DNAH6: variants seen among roughly 807,000 people sequenced by gnomAD.
DNAH6 encodes dynein axonemal heavy chain 6.
In DNAH6, 340 loss-of-function variants were observed where a neutral mutation model predicts 491.4. The ratio of observed to expected loss-of-function variants is 0.69; its 90% CI spans 0.63 to 0.76. The LOEUF (loss-of-function observed/expected upper bound fraction) is 0.76, where lower values mean the gene tolerates loss of function less well. Among genes scored for constraint, DNAH6 ranks in the 30% least tolerant of loss-of-function variants. The pLI is 0.00. For missense variants in DNAH6, 4,443 were observed against 4,972.2 expected, an observed-to-expected ratio of 0.89 and a Z score of 3.20; for synonymous variants, 1,603 against 1,686.1, an observed-to-expected ratio of 0.95 and a Z score of 1.21.
intron 60 of DNAH6, 132 bp from the exon 61 acceptor site, chr2:84,727,537 C>T: frequency 1.6e-6 from 1 of 627,688 alleles, no homozygotes; most frequent in Non-Finnish European, 2.9e-6. Context: ...CTATTGGGCA[C>T]ATTGAGGACT....
the DNAH6 span, among the ~76,000 whole-genome samples, chr2:84,500,562 G>A: frequency 2.6e-5 from 4 of 152,100 alleles, no homozygotes; most frequent in Non-Finnish European, 5.9e-5. Flanking sequence ...TTCTATTTCT[G>A]TGAAGAATGT....
rs1678809364 is a variant in DNAH6 at position 84,546,513 on chromosome 2, G to C, written c.931-755G>C. Among the ~76,000 whole-genome samples the C allele has an allele frequency of 2.0e-5, 3 of 152,190 alleles. No individual in the cohort carries two copies. In the South Asian group the frequency reaches 6.2e-4, roughly 32 times the overall value. On this transcript the variant is annotated intron_variant, in intron 5 of 76. Transcript: ENST00000389394. ...TGGAACCCGAGGATACAGAAGGACT[G>C]TATGTGGTCCTTTATGACTGACTTT...
chr2:84,509,321 A>C, the DNAH6 span, among the ~76,000 whole-genome samples: 1 of 152,134 alleles, frequency 6.6e-6, no homozygotes, highest in East Asian at 1.9e-4. Context: ...TGATCCCTTT[A>C]CCATTATGTA....
chr2:84,763,810 C>T (rs1371648881), intron 64 of DNAH6, among the ~76,000 whole-genome samples: 2 of 149,762 alleles, frequency 1.3e-5, no homozygotes, highest in African/African-American at 4.9e-5. Flanking sequence ...AAACTCAGCA[C>T]AGCTGATGTG....
At chr2:84,696,244 G>C (rs1178869746) in intron 46 of DNAH6, among the ~76,000 whole-genome samples, 1 of 151,528 alleles carries the variant, frequency 6.6e-6, no homozygotes, top group Non-Finnish European at 1.5e-5. Flanking sequence ...TCATATACTA[G>C]ATTTAAAGAA....
chr2:84,664,721 T>C (rs1691902734), intron 37 of DNAH6, among the ~76,000 whole-genome samples: 1 of 152,142 alleles, frequency 6.6e-6, no homozygotes, highest in Non-Finnish European at 1.5e-5. Context: ...TATCCAGGAA[T>C]TGAACTCAGC....
At chr2:84,673,012 G>A (rs1692884212) in intron 40 of DNAH6, among the ~76,000 whole-genome samples, 1 of 152,130 alleles carries the variant, frequency 6.6e-6, no homozygotes, top group African/African-American at 2.4e-5. Flanking sequence ...CTGCCTCCCA[G>A]AGAGCTTCAG....
At chr2:84,624,728 C>T in intron 28 of DNAH6, 108 bp downstream of exon 28, 1 of 1,324,722 alleles carries the variant, frequency 7.5e-7, no homozygotes. Context: ...ATTATGAATA[C>T]ATCTTTGTAA....
chr2:84,709,705 G>C (rs887799455), intron 55 of DNAH6, among the ~76,000 whole-genome samples, 159 bp downstream of exon 55: 1 of 152,122 alleles, frequency 6.6e-6, no homozygotes, highest in African/African-American at 2.4e-5. Flanking sequence ...TATAGTCCAA[G>C]TCCCTCATTT....
In DNAH6 at chr2:84,653,531, G is replaced by A. The variant is rs751216543; in HGVS notation, c.5291G>A (p.Arg1764Gln). The A allele has an allele frequency of 1.2e-5, 19 of 1,551,196 alleles. No homozygotes were observed. Among genetic ancestry groups the A allele is most frequent in the African/African-American group, 4.1e-5 (3 of 73,000 alleles). The change falls in exon 34 of 77, where the codon CGA (arginine) becomes CAA (glutamine). Residue 1764 changes from arginine to glutamine, a missense_variant. Coordinates refer to ENST00000389394, the MANE Select transcript of DNAH6 (RefSeq NM_001370.2). ...PTGGGKTTVY[R>Q]ILAETLGNLQ... is the part of the protein sequence containing the mutation. Reference sequence around the variant, plus strand: ...GGAGGCGGCAAGACCACAGTTTACCGAATACTAGCAGAAACTTTAGGGAAT... The same window carrying A: ...GGAGGCGGCAAGACCACAGTTTACCAAATACTAGCAGAAACTTTAGGGAAT...
At chr2:84,695,462 C>G (rs1376606774) in intron 46 of DNAH6, among the ~76,000 whole-genome samples, 1 of 152,026 alleles carries the variant, frequency 6.6e-6, no homozygotes, top group Non-Finnish European at 1.5e-5. Context: ...GTAGGTAAAG[C>G]CTTTACATTT....
chr2:84,523,398 A>G (rs1007952953), intron 2 of DNAH6, among the ~76,000 whole-genome samples: 1 of 152,026 alleles, frequency 6.6e-6, no homozygotes, highest in African/African-American at 2.4e-5. Context: ...AATGTCTTCA[A>G]AAAACCAACT....
At chr2:84,604,003 A>G (rs557611631) in intron 18 of DNAH6, among the ~76,000 whole-genome samples, 60 of 152,270 alleles carry the variant, frequency 3.9e-4, no homozygotes, top group African/African-American at 1.3e-3. Context: ...TTAGCGCTCT[A>G]TTTTTAAAAT....
chr2:84,725,129 G>T (rs1698507307), intron 60 of DNAH6, among the ~76,000 whole-genome samples: 2 of 152,152 alleles, frequency 1.3e-5, no homozygotes, highest in South Asian at 4.1e-4. Context: ...ACCACATAAT[G>T]CTCGAGTGTT....
intron 22 of DNAH6, among the ~76,000 whole-genome samples, chr2:84,614,508 C>CT (rs1464623843): frequency 6.6e-6 from 1 of 152,088 alleles, no homozygotes; most frequent in Non-Finnish European, 1.5e-5. Flanking sequence ...GTGCAAGAAT[C>CT]TTTTTTATAT....
rs146831828 is a variant in DNAH6, at chr2:84,558,485, A to G, written c.1803+550A>G. Among the ~76,000 whole-genome samples the G allele has an allele frequency of 3.7e-3, 564 of 152,014 alleles. 10 individuals carry two copies. The highest frequency in any genetic ancestry group is 1.3e-3 in the Non-Finnish European group (91 of 67,978). On this transcript the variant is annotated intron_variant, in intron 11 of 76. Transcript: ENST00000389394. ...AACAGTTACTTATCATTAGCAATCC[A>G]TCGATCCACATGCATGTGTTTTTGG...
At chr2:84,797,955 T>C (rs1678502484) in intron 70 of DNAH6, among the ~76,000 whole-genome samples, 1 of 152,130 alleles carries the variant, frequency 6.6e-6, no homozygotes, top group Non-Finnish European at 1.5e-5. Flanking sequence ...ACATGAGGAT[T>C]TCAATAATAA....
chr2:84,799,085 T>A (rs1316221574), intron 70 of DNAH6, among the ~76,000 whole-genome samples: 1 of 152,030 alleles, frequency 6.6e-6, no homozygotes, highest in African/African-American at 2.4e-5. Flanking sequence ...CCTCCCAGGT[T>A]TGAGCAGTTC....
chr2:84,619,596 A>C, intron 23 of DNAH6, 89 bp from the exon 24 acceptor site: 9 of 1,181,128 alleles, frequency 7.6e-6, no homozygotes, highest in Non-Finnish European at 1.1e-5. Context: ...TGGACAGGGA[A>C]GAGATGTGGC....
Sources: allele counts gnomAD v4.1 joint callset (sites outside exome capture counted in the v4.1 genomes callset), GRCh38; gene constraint gnomAD v4.1.1; transcripts MANE v1.5; gene names NCBI Gene and HGNC (gene_info 2026-07-23, HGNC 2026-07-21).